Variants in SIPA1L1 observed in about 807,000 individuals in gnomAD.
SIPA1L1 encodes signal-induced proliferation-associated 1-like protein 1.
Under a neutral mutation model 162.7 loss-of-function variants are expected in SIPA1L1, and 26 were observed. That is an observed-to-expected ratio of 0.16 (90% CI 0.12 to 0.22). SIPA1L1 has a LOEUF of 0.22. SIPA1L1 is among the 10% of genes least tolerant of loss of function. The pLI is 1.00. For missense variants in SIPA1L1, 1,874 were observed against 2,241.0 expected (o/e 0.84, Z 3.31); for synonymous variants, 829 against 837.4 (o/e 0.99, Z 0.17).
intron 2 of SIPA1L1, among the ~76,000 whole-genome samples, chr14:71,493,686 A>G (rs1449947336): frequency 2.6e-5 from 4 of 152,230 alleles, no homozygotes; most frequent in Admixed American, 1.3e-4. Context: ...AGTGGAACAA[A>G]GGTTATGTAT....
chr14:71,374,920 T>C (rs941881207), intron 2 of SIPA1L1, among the ~76,000 whole-genome samples: 3 of 152,168 alleles, frequency 2.0e-5, no homozygotes, highest in African/African-American at 7.2e-5. Context: ...GTATTATCAT[T>C]TGAATGTTGA....
In SIPA1L1 at chr14:71,640,774, G is replaced by T. The variant is rs1002305256; in HGVS notation, c.1819-9561G>T. On this transcript the variant is annotated intron_variant, in intron 7 of 23. Coordinates refer to ENST00000381232, the MANE Select transcript of SIPA1L1 (RefSeq NM_001386936.1). ...CGCAGAGCTGGGATTACAAGTGTGTGCCCCTACGCCCGGCTAACTTTTGTA... is the reference window on the plus strand; with the variant it reads ...CGCAGAGCTGGGATTACAAGTGTGTTCCCCTACGCCCGGCTAACTTTTGTA... Among the ~76,000 whole-genome samples, 51 of 152,114 alleles carry T rather than the reference G, an allele frequency of 3.4e-4. 1 individual carries two copies. Among genetic ancestry groups the T allele is most frequent in the African/African-American group, 1.2e-3 (50 of 41,400 alleles).
intron 17 of SIPA1L1, among the ~76,000 whole-genome samples, chr14:71,714,208 G>T (rs1298133588): frequency 2.6e-5 from 4 of 152,134 alleles, no homozygotes; most frequent in Admixed American, 2.6e-4. Flanking sequence ...CCAGCTTTTG[G>T]GGGTGGTTAT....
At chr14:71,676,265 C>T (rs893074169) in intron 12 of SIPA1L1, among the ~76,000 whole-genome samples, 1 of 151,422 alleles carries the variant, frequency 6.6e-6, no homozygotes, top group Non-Finnish European at 1.5e-5. Flanking sequence ...GCACTCCAGC[C>T]TGGGCGACGG....
intron 2 of SIPA1L1, among the ~76,000 whole-genome samples, chr14:71,503,589 A>G (rs916149231): frequency 6.6e-6 from 1 of 152,204 alleles, no homozygotes; most frequent in Non-Finnish European, 1.5e-5. Context: ...AATGTTTCAC[A>G]TATTTTTCTT....
chr14:71,614,385 GA>G (rs1304836644), intron 5 of SIPA1L1, among the ~76,000 whole-genome samples: 1 of 151,608 alleles, frequency 6.6e-6, no homozygotes, highest in Non-Finnish European at 1.5e-5. Context: ...ATCCTTAAGA[GA>G]AAAAAAAGAC....
intron 2 of SIPA1L1, among the ~76,000 whole-genome samples, chr14:71,350,762 A>G (rs1454819476): frequency 6.6e-6 from 1 of 152,174 alleles, no homozygotes; most frequent in African/African-American, 2.4e-5. Flanking sequence ...TCCTTTAAAG[A>G]TAGATTCTGA....
intron 5 of SIPA1L1, among the ~76,000 whole-genome samples, chr14:71,600,843 G>A (rs1313313967): frequency 6.6e-6 from 1 of 151,724 alleles, no homozygotes; most frequent in Non-Finnish European, 1.5e-5. Flanking sequence ...TTTTGTTTTT[G>A]TTTTTGTTTC....
At chr14:71,420,133 AATT>A (rs1388477217) in intron 2 of SIPA1L1, among the ~76,000 whole-genome samples, 5 of 152,226 alleles carry the variant, frequency 3.3e-5, no homozygotes, top group Admixed American at 3.3e-4. Context: ...TTAAGCAAAT[AATT>A]ATTTTATATC....
At chr14:71,729,163 G>A (rs1293799417) in intron 19 of SIPA1L1, among the ~76,000 whole-genome samples, 1 of 152,128 alleles carries the variant, frequency 6.6e-6, no homozygotes, top group Non-Finnish European at 1.5e-5. Context: ...AGCCTCCTGA[G>A]TAGCTGGGAT....
chr14:71,727,386 A>T (rs1415104593), intron 19 of SIPA1L1, among the ~76,000 whole-genome samples: 1 of 151,932 alleles, frequency 6.6e-6, no homozygotes, highest in African/African-American at 2.4e-5. Flanking sequence ...TGTGAGATAG[A>T]GGACCAGAGG....
At chr14:71,596,987 T>G (rs1489662984) in intron 5 of SIPA1L1, among the ~76,000 whole-genome samples, 1 of 152,140 alleles carries the variant, frequency 6.6e-6, no homozygotes, top group Non-Finnish European at 1.5e-5. Context: ...TTTTTTTTGT[T>G]TTTAGACAGG....
intron 4 of SIPA1L1, among the ~76,000 whole-genome samples, chr14:71,571,101 A>AT (rs951289116): frequency 6.6e-6 from 1 of 152,174 alleles, no homozygotes; most frequent in African/African-American, 2.4e-5. Context: ...GGCCAGAATG[A>AT]TTTTTTTAAA....
intron 21 of SIPA1L1, among the ~76,000 whole-genome samples, chr14:71,734,706 T>C (rs570655624): frequency 8.5e-4 from 130 of 152,358 alleles, no homozygotes; most frequent in African/African-American, 3.1e-3. Context: ...CAGTTCTAAC[T>C]TGATTTTTCA....
Position 71,729,927 on chromosome 14 carries a change from A to C in SIPA1L1, c.4615-128A>C, listed in dbSNP as rs2084604730. Reference sequence around the variant, plus strand: ...CTTGAGGTTGTAGAAATAGACAATGAGCCCTGAAGCTTCCTTGCTAGGGGT... The same window carrying C: ...CTTGAGGTTGTAGAAATAGACAATGCGCCCTGAAGCTTCCTTGCTAGGGGT... On this transcript the variant is annotated intron_variant, in intron 19 of 23. Transcript: ENST00000381232. The C allele has an allele frequency of 3.0e-6, 3 of 995,792 alleles. No homozygotes were observed. In the East Asian group the frequency reaches 7.2e-5, roughly 24 times the overall value. 61.7% of individuals were successfully genotyped at this position (995,792 alleles called of 1,614,324 possible).
chr14:71,620,290 A>T (rs184001001), intron 6 of SIPA1L1, among the ~76,000 whole-genome samples: 5 of 152,178 alleles, frequency 3.3e-5, no homozygotes, highest in Admixed American at 3.3e-4. Flanking sequence ...GCTGGTCTCG[A>T]ACTCCCGACC....
At chr14:71,647,427 CT>C (rs556634353) in intron 7 of SIPA1L1, among the ~76,000 whole-genome samples, 1 of 151,508 alleles carries the variant, frequency 6.6e-6, no homozygotes, top group Admixed American at 6.6e-5. Context: ...TAAATTAATC[CT>C]TTTGAGTGTT....
At chr14:71,716,748 T>C (rs951064654) in intron 17 of SIPA1L1, among the ~76,000 whole-genome samples, 3 of 152,324 alleles carry the variant, frequency 2.0e-5, no homozygotes, top group Non-Finnish European at 4.4e-5. Flanking sequence ...TTTTTGCAGA[T>C]TGGTCATCTA....
intron 7 of SIPA1L1, among the ~76,000 whole-genome samples, chr14:71,626,407 A>G (rs1008335027): frequency 3.3e-5 from 5 of 152,174 alleles, no homozygotes; most frequent in Non-Finnish European, 7.3e-5. Flanking sequence ...ATCTCCATAC[A>G]TACAGCATTC....
Sources: gnomAD v4.1 joint callset for allele counts (sites outside exome capture counted in the v4.1 genomes callset) on GRCh38, gnomAD v4.1.1 for gene constraint, MANE v1.5 for transcripts, NCBI Gene and HGNC (gene_info 2026-07-23, HGNC 2026-07-21) for gene names.